Variants in UBR1 observed in about 807,000 individuals in gnomAD.
UBR1 encodes the protein E3 ubiquitin-protein ligase UBR1.
In UBR1, 102 loss-of-function variants were observed where a neutral mutation model predicts 242.1. The ratio of observed to expected loss-of-function variants is 0.42; its 90% CI spans 0.36 to 0.50. The LOEUF (loss-of-function observed/expected upper bound fraction) is 0.50. Ranked by LOEUF, UBR1 falls within the 20% of genes least tolerant of loss-of-function variation. The pLI, the probability that UBR1 is intolerant of heterozygous loss-of-function variation, is 0.01. For missense variants in UBR1, 1,772 were observed against 2,101.8 expected, an observed-to-expected ratio of 0.84 and a Z score of 3.07; for synonymous variants, 675 against 684.8, an observed-to-expected ratio of 0.99 and a Z score of 0.22.
chr15:42,988,971 T>C lies in UBR1; in HGVS notation c.3849-4A>G. On this transcript the variant is annotated splice_region_variant and splice_polypyrimidine_tract_variant and intron_variant, in intron 34 of 46. Transcript: ENST00000290650. ...GATGCTATTTGAATATTTAATCCTA[T>C]AAATAAAACAAGAAAATTTGTATGA... 2 of 1,593,226 alleles carry C rather than the reference T, an allele frequency of 1.3e-6. No individual in the cohort carries two copies. Among genetic ancestry groups the C allele is most frequent in the Non-Finnish European group, 1.7e-6 (2 of 1,161,660 alleles).
rs145034051 is a variant in UBR1 at position 42,992,977 on chromosome 15, T to C, written c.3758-2857A>G. Among the ~76,000 whole-genome samples the C allele has an allele frequency of 1.7e-3, 255 of 152,340 alleles. 2 individuals are homozygous for C. Among genetic ancestry groups the C allele is most frequent in the Middle Eastern group, 3.4e-3 (1 of 294 alleles). On this transcript the variant is annotated intron_variant, in intron 33 of 46. Transcript: ENST00000290650. ...GTTTTCTCTTGAGATTATGGGCATC[T>C]GCATGGCCACCATGGCTGTGCAGCT...
chr15:42,968,699 G>A (rs772487908), intron 40 of UBR1, among the ~76,000 whole-genome samples: 1 of 152,060 alleles, frequency 6.6e-6, no homozygotes, highest in Non-Finnish European at 1.5e-5. Context: ...AGGCCCTGGT[G>A]TGTGATGTTC....
chr15:43,019,581 G>GTTTTTT (rs1248631700), intron 27 of UBR1, among the ~76,000 whole-genome samples: 1 of 135,524 alleles, frequency 7.4e-6, no homozygotes, highest in African/African-American at 2.7e-5. Context: ...CTGGCTTCAG[G>GTTTTTT]TTTTTTTTTT....
intron 37 of UBR1, among the ~76,000 whole-genome samples, chr15:42,981,647 G>A (rs1354404508): frequency 6.6e-6 from 1 of 151,890 alleles, no homozygotes; most frequent in East Asian, 1.9e-4. Flanking sequence ...CCGCCACCAC[G>A]CCTGGCTAAT....
chr15:43,071,064 G>C, intron 4 of UBR1, 139 bp from the exon 5 acceptor site: 1 of 1,206,720 alleles, frequency 8.3e-7, no homozygotes, highest in Non-Finnish European at 1.2e-6. Context: ...TTGAGCTCAA[G>C]AGGGTTGCTA....
At chr15:43,080,408 G>T (rs1326272703) in intron 3 of UBR1, among the ~76,000 whole-genome samples, 1 of 151,984 alleles carries the variant, frequency 6.6e-6, no homozygotes, top group Non-Finnish European at 1.5e-5. Context: ...TTTTTTTATT[G>T]CCTCCCCAGT....
At chr15:43,093,702 C>A (rs544148621) in intron 1 of UBR1, among the ~76,000 whole-genome samples, 1 of 151,538 alleles carries the variant, frequency 6.6e-6, no homozygotes, top group Non-Finnish European at 1.5e-5. Context: ...GGGAGGATCA[C>A]CTGAGCCCAG....
At chr15:42,975,789 C>A (rs1004413089) in intron 39 of UBR1, among the ~76,000 whole-genome samples, 1 of 152,016 alleles carries the variant, frequency 6.6e-6, no homozygotes, top group African/African-American at 2.4e-5. Flanking sequence ...TCACAGCACT[C>A]TGCAGCCTCA....
intron 1 of UBR1, among the ~76,000 whole-genome samples, chr15:43,101,991 A>AC (rs962113062): frequency 1.3e-5 from 2 of 149,748 alleles, no homozygotes; most frequent in African/African-American, 4.9e-5. Flanking sequence ...AAAAAAAAAA[A>AC]AAGCCAGGCA....
At chr15:43,097,624 C>T (rs1274449677) in intron 1 of UBR1, among the ~76,000 whole-genome samples, 1 of 152,256 alleles carries the variant, frequency 6.6e-6, no homozygotes, top group Non-Finnish European at 1.5e-5. Flanking sequence ...TCAATCAGCA[C>T]TTACTGCTTC....
intron 1 of UBR1, among the ~76,000 whole-genome samples, chr15:43,103,892 G>A (rs548440794): frequency 2.0e-5 from 3 of 152,198 alleles, no homozygotes; most frequent in Admixed American, 6.5e-5. Flanking sequence ...ACCATGGCTA[G>A]AATAAAATTA....
At chr15:42,955,514 A>G (rs1332619266) in intron 44 of UBR1, among the ~76,000 whole-genome samples, 3 of 152,226 alleles carry the variant, frequency 2.0e-5, no homozygotes, top group Admixed American at 1.3e-4. Flanking sequence ...GGCTACTGAG[A>G]TTCTTGTCTT....
intron 45 of UBR1, 36 bp from the exon 46 acceptor site, chr15:42,950,399 G>T: frequency 6.3e-7 from 1 of 1,582,862 alleles, no homozygotes; most frequent in Non-Finnish European, 8.7e-7. Context: ...ATGGTTAAGT[G>T]TATGTGTGCA....
At chr15:43,076,282 C>T (rs2033891833) in intron 3 of UBR1, among the ~76,000 whole-genome samples, 2 of 152,226 alleles carry the variant, frequency 1.3e-5, no homozygotes, top group South Asian at 2.1e-4. Context: ...TCACTCAGTG[C>T]TCAATGGTGC....
At position 42,945,325 on chromosome 15, in the gene UBR1, G is replaced by T. The variant is rs751157225; in HGVS notation, c.*4C>A. On this transcript the variant is annotated 3_prime_UTR_variant, in exon 47 of 47. Transcript: ENST00000290650. ...TTGTGATTGTCTTGAGGCAGAGTTG[G>T]AGCTCACAGTAACTGCCAGTTGAAT... is the stretch of plus-strand genomic sequence containing the variant. The T allele has an allele frequency of 1.9e-6, 3 of 1,613,940 alleles. No individual in the cohort carries two copies. The highest frequency in any genetic ancestry group is 2.5e-6 in the Non-Finnish European group (3 of 1,180,008).
intron 1 of UBR1, among the ~76,000 whole-genome samples, chr15:43,096,903 A>T (rs1772781105): frequency 6.6e-6 from 1 of 151,882 alleles, no homozygotes; most frequent in South Asian, 2.1e-4. Context: ...ACTTCTTCCA[A>T]ACTCCTGTTC....
intron 42 of UBR1, among the ~76,000 whole-genome samples, chr15:42,961,886 C>G (rs1016193836): frequency 6.6e-6 from 1 of 151,580 alleles, no homozygotes; most frequent in African/African-American, 2.4e-5. Context: ...TCTTGAGTAG[C>G]TGGGACTACA....
chr15:43,097,019 C>A (rs1294871728), intron 1 of UBR1, among the ~76,000 whole-genome samples: 2 of 152,052 alleles, frequency 1.3e-5, no homozygotes, highest in Admixed American at 6.6e-5. Flanking sequence ...CCACATCTAT[C>A]AGAGGAATCG....
chr15:43,085,420 A>G (rs1002378800), intron 2 of UBR1, among the ~76,000 whole-genome samples: 6 of 152,240 alleles, frequency 3.9e-5, no homozygotes, highest in East Asian at 1.9e-4. Context: ...GAGAACAGGA[A>G]GAAACAGTGA....
Sources: allele counts gnomAD v4.1 joint callset (sites outside exome capture counted in the v4.1 genomes callset), GRCh38; gene constraint gnomAD v4.1.1; transcripts MANE v1.5; gene names NCBI Gene and HGNC (gene_info 2026-07-23, HGNC 2026-07-21).